SULT4A1: variants seen among roughly 807,000 people sequenced by gnomAD.
SULT4A1 encodes sulfotransferase 4A1.
Under a neutral mutation model 35.2 loss-of-function variants are expected in SULT4A1, and 11 were observed. The observed-to-expected ratio is 0.31, with a 90% confidence interval of 0.20 to 0.52. The LOEUF is 0.52. Ranked by LOEUF, SULT4A1 falls within the 20% of genes least tolerant of loss-of-function variation. SULT4A1 has a pLI of 0.97. For missense variants in SULT4A1, 271 were observed against 383.7 expected (o/e 0.71, Z 2.45); for synonymous variants, 152 against 151.8 (o/e 1.00, Z -0.01).
chr22:43,856,559 T>C (rs920149961), intron 1 of SULT4A1, among the ~76,000 whole-genome samples: 17 of 152,008 alleles, frequency 1.1e-4, no homozygotes, highest in Admixed American at 2.0e-4. Flanking sequence ...TAAACCAAAG[T>C]AACAGATAAC....
chr22:43,839,144 T>C, intron 3 of SULT4A1, 151 bp from the exon 4 acceptor site: 1 of 1,009,200 alleles, frequency 9.9e-7, no homozygotes, highest in Non-Finnish European at 1.4e-6. Flanking sequence ...GCACGGCTGC[T>C]GGGTGCTGCT....
Position 43,833,018 on chromosome 22 carries a change from T to C in SULT4A1, c.603+622A>G, listed in dbSNP as rs183259070. Among the ~76,000 whole-genome samples the C allele has an allele frequency of 1.5e-4, 23 of 152,248 alleles. No homozygotes were observed. The East Asian group carries it at 4.1e-3, about 27-fold the overall frequency. ...GGTTTCCAGCTGGCACTCAGGCCTC[T>C]GCCCCACAGGAGCAACCTCACAGTC... On this transcript the variant is annotated intron_variant, in intron 5 of 6. Coordinates refer to ENST00000330884, the MANE Select transcript of SULT4A1 (RefSeq NM_014351.4).
intron 1 of SULT4A1, among the ~76,000 whole-genome samples, chr22:43,850,747 G>C (rs562702863): frequency 6.6e-6 from 1 of 152,308 alleles, no homozygotes; most frequent in South Asian, 2.1e-4. Context: ...GTGAGACTGA[G>C]GTGACTGCAA....
At chr22:43,843,132 G>A (rs2063447381) in intron 1 of SULT4A1, among the ~76,000 whole-genome samples, 2 of 152,016 alleles carry the variant, frequency 1.3e-5, no homozygotes, top group Non-Finnish European at 2.9e-5. Context: ...GAAACTCTCT[G>A]GGCTGGGCAC....
chr22:43,856,637 G>A (rs1364277705), intron 1 of SULT4A1, among the ~76,000 whole-genome samples: 2 of 152,290 alleles, frequency 1.3e-5, no homozygotes, highest in African/African-American at 2.4e-5. Flanking sequence ...TCAGACCTAC[G>A]AGGAAGACCA....
chr22:43,833,065 C>T (rs1438023106), intron 5 of SULT4A1, among the ~76,000 whole-genome samples: 1 of 152,134 alleles, frequency 6.6e-6, no homozygotes, highest in East Asian at 1.9e-4. Context: ...CCCATCGTCT[C>T]TCCTCTTTCC....
intron 1 of SULT4A1, among the ~76,000 whole-genome samples, chr22:43,860,862 G>A (rs983302223): frequency 6.6e-6 from 1 of 152,148 alleles, no homozygotes; most frequent in Non-Finnish European, 1.5e-5. Context: ...CCATAAGGCA[G>A]GGGAGAGGCT....
intron 2 of SULT4A1, among the ~76,000 whole-genome samples, chr22:43,841,530 C>T (rs2063428590): frequency 6.6e-6 from 1 of 152,044 alleles, no homozygotes. Flanking sequence ...GGCCCAGGGC[C>T]TGCTCCCCAC....
chr22:43,854,179 A>G (rs148135456), intron 1 of SULT4A1, among the ~76,000 whole-genome samples: 2 of 152,302 alleles, frequency 1.3e-5, no homozygotes, highest in Non-Finnish European at 2.9e-5. Context: ...CCCCATGCAC[A>G]TCTTTGCCGC....
intron 1 of SULT4A1, among the ~76,000 whole-genome samples, chr22:43,852,851 C>T (rs1028077221): frequency 1.1e-4 from 17 of 151,484 alleles, no homozygotes; most frequent in African/African-American, 3.4e-4. Flanking sequence ...GAGCTCGCTA[C>T]GACTTCCCCC....
At chr22:43,850,563 G>A (rs924189101) in intron 1 of SULT4A1, among the ~76,000 whole-genome samples, 2 of 152,250 alleles carry the variant, frequency 1.3e-5, no homozygotes, top group Non-Finnish European at 1.5e-5. Flanking sequence ...GTGTTCGCTC[G>A]ATCCTGTTTG....
chr22:43,853,811 G>C (rs551682225), intron 1 of SULT4A1, among the ~76,000 whole-genome samples: 1 of 152,376 alleles, frequency 6.6e-6, no homozygotes, highest in East Asian at 1.9e-4. Context: ...CCTTCAGACA[G>C]AGCTGGCACA....
At chr22:43,835,984 C>T (rs898913305) in intron 4 of SULT4A1, among the ~76,000 whole-genome samples, 1 of 152,218 alleles carries the variant, frequency 6.6e-6, no homozygotes, top group Admixed American at 6.5e-5. Context: ...GGCCCCTCCA[C>T]GCTTTTCCCT....
At chr22:43,826,699 G>T in intron 6 of SULT4A1, 3 of 985,458 alleles carry the variant, frequency 3.0e-6, no homozygotes, top group Non-Finnish European at 3.6e-6. Flanking sequence ...CAAAGATGCA[G>T]ATTTCAAGAA....
At chr22:43,859,098 T>C (rs1233844649) in intron 1 of SULT4A1, among the ~76,000 whole-genome samples, 4 of 152,150 alleles carry the variant, frequency 2.6e-5, no homozygotes, top group African/African-American at 7.2e-5. Context: ...TGCCCAGCCC[T>C]TCTGAAACCT....
intron 1 of SULT4A1, among the ~76,000 whole-genome samples, chr22:43,847,194 G>A (rs1349696854): frequency 6.6e-6 from 1 of 151,814 alleles, no homozygotes; most frequent in Non-Finnish European, 1.5e-5. Context: ...AGGGAGGGAG[G>A]GGCACCGAGA....
chr22:43,861,792 AG>A (rs2049472491), intron 1 of SULT4A1, among the ~76,000 whole-genome samples: 1 of 152,212 alleles, frequency 6.6e-6, no homozygotes, highest in African/African-American at 2.4e-5. Flanking sequence ...CTCCCTTCCC[AG>A]GTGAACACCA....
intron 1 of SULT4A1, among the ~76,000 whole-genome samples, chr22:43,850,625 G>A (rs540386807): frequency 1.3e-4 from 20 of 152,312 alleles, no homozygotes; most frequent in African/African-American, 4.8e-4. Context: ...TCATCTGAGT[G>A]AACGGCCTGG....
chr22:43,830,139 TC>T lies in SULT4A1; in HGVS notation c.604-942del, dbSNP rs977515217. ...CTTCCACAGGCAGGGGTGTGGTGCA[TC>T]CCGGGCGCAGGGCTTGACTCAAGAG... On this transcript the variant is annotated intron_variant, in intron 5 of 6. Transcript: ENST00000330884. Among the ~76,000 whole-genome samples the T allele has an allele frequency of 2.0e-4, 30 of 152,102 alleles. 1 individual carries two copies. Among genetic ancestry groups the T allele is most frequent in the African/African-American group, 2.4e-5 (1 of 41,412 alleles).
Sources: gnomAD v4.1 joint callset for allele counts (sites outside exome capture counted in the v4.1 genomes callset) on GRCh38, gnomAD v4.1.1 for gene constraint, MANE v1.5 for transcripts, NCBI Gene and HGNC (gene_info 2026-07-23, HGNC 2026-07-21) for gene names.